Variants in EFCAB13 observed in about 807,000 individuals in gnomAD.
EFCAB13 encodes EF-hand calcium binding domain 13, also known as EF-hand calcium-binding domain-containing protein 13.
Under a neutral mutation model 110.2 loss-of-function variants are expected in EFCAB13, and 91 were observed. That is an observed-to-expected ratio of 0.83 (90% CI 0.70 to 0.98). The LOEUF is 0.98. Among genes scored for constraint, EFCAB13 ranks in the 50% least tolerant of loss-of-function variants. The pLI is 0.00. For synonymous variants in EFCAB13, 323 were observed against 369.9 expected, an observed-to-expected ratio of 0.87 and a Z score of 1.45; for missense variants, 968 against 1,119.4, an observed-to-expected ratio of 0.86 and a Z score of 1.93.
chr17:47,373,036 A>G (rs1450126167), intron 11 of EFCAB13, among the ~76,000 whole-genome samples: 1 of 151,802 alleles, frequency 6.6e-6, no homozygotes, highest in African/African-American at 2.4e-5. Flanking sequence ...CTCCTTCATA[A>G]ACTCTTATAA....
chr17:47,412,701 A>G, intron 21 of EFCAB13, 72 bp from the exon 22 acceptor site: 3 of 1,393,062 alleles, frequency 2.2e-6, no homozygotes, highest in South Asian at 1.5e-5. Flanking sequence ...AGGTTTACCT[A>G]TGGTAGATTT....
At chr17:47,357,056 C>T (rs2065484807) in intron 9 of EFCAB13, among the ~76,000 whole-genome samples, 1 of 152,214 alleles carries the variant, frequency 6.6e-6, no homozygotes, top group African/African-American at 2.4e-5. Context: ...AGCCCACAGT[C>T]TGAAAGACTG....
At chr17:47,430,103 C>T (rs1314946179) in intron 24 of EFCAB13, 142 bp downstream of exon 24, 5 of 1,322,540 alleles carry the variant, frequency 3.8e-6, no homozygotes, top group Non-Finnish European at 4.8e-6. Context: ...ACTGCCCCTA[C>T]AGGTGTGCCA....
intron 9 of EFCAB13, among the ~76,000 whole-genome samples, chr17:47,359,020 T>G (rs963724015): frequency 2.0e-5 from 3 of 152,196 alleles, no homozygotes; most frequent in Admixed American, 2.0e-4. Context: ...CTCTGCTATT[T>G]TTGTTCACTT....
At chr17:47,415,153 C>G (rs545196619) in intron 23 of EFCAB13, among the ~76,000 whole-genome samples, 1 of 151,710 alleles carries the variant, frequency 6.6e-6, no homozygotes, top group Non-Finnish European at 1.5e-5. Context: ...AACCAAACAC[C>G]GCATATTCTC....
intron 20 of EFCAB13, 40 bp from the exon 21 acceptor site, chr17:47,409,607 G>A (rs758851027): frequency 1.7e-5 from 25 of 1,497,620 alleles, no homozygotes; most frequent in Middle Eastern, 1.7e-4. Context: ...AGATCAGGAT[G>A]CCATTCCTCA....
At chr17:47,415,110 TATC>T in intron 23 of EFCAB13, 191 bp downstream of exon 23, 1 of 367,110 alleles carries the variant, frequency 2.7e-6, no homozygotes, top group Non-Finnish European at 4.9e-6. Context: ...AATTGGAAAT[TATC>T]ATTCTCAGTA....
intron 4 of EFCAB13, among the ~76,000 whole-genome samples, chr17:47,333,045 C>T (rs890716551): frequency 6.6e-6 from 1 of 152,136 alleles, no homozygotes; most frequent in Non-Finnish European, 1.5e-5. Flanking sequence ...CAGATGTTCC[C>T]TTTTCTCCAC....
intron 20 of EFCAB13, among the ~76,000 whole-genome samples, chr17:47,408,021 T>A (rs2143458370): frequency 1.3e-5 from 2 of 152,320 alleles, no homozygotes; most frequent in Middle Eastern, 6.8e-3. Flanking sequence ...TGACCTGGAT[T>A]GTAAAATTGA....
At chr17:47,378,327 T>A (rs1230973176) in intron 13 of EFCAB13, among the ~76,000 whole-genome samples, 1 of 152,202 alleles carries the variant, frequency 6.6e-6, no homozygotes, top group African/African-American at 2.4e-5. Flanking sequence ...CAGGTATGCT[T>A]AGCAGTTAAC....
At chr17:47,396,008 T>C in intron 17 of EFCAB13, 31 bp downstream of exon 17, 1 of 1,548,258 alleles carries the variant, frequency 6.5e-7, no homozygotes, top group South Asian at 1.2e-5. Flanking sequence ...AATTAAAAAG[T>C]ATACCAAGAT....
intron 12 of EFCAB13, among the ~76,000 whole-genome samples, chr17:47,376,711 A>C (rs538623925): frequency 1.9e-4 from 29 of 152,318 alleles, no homozygotes; most frequent in Admixed American, 5.2e-4. Flanking sequence ...ACCTTATTCA[A>C]ATTTGTCAGT....
intron 7 of EFCAB13, among the ~76,000 whole-genome samples, chr17:47,344,813 G>A (rs1240460310): frequency 2.0e-5 from 3 of 152,098 alleles, no homozygotes; most frequent in Non-Finnish European, 2.9e-5. Context: ...GCAGACTAGG[G>A]TGAATTCTGC....
At chr17:47,330,842 G>A (rs1473091107) in intron 4 of EFCAB13, among the ~76,000 whole-genome samples, 2 of 151,652 alleles carry the variant, frequency 1.3e-5, no homozygotes, top group Non-Finnish European at 1.5e-5. Flanking sequence ...TGGATTGAAC[G>A]ATAGATCTAC....
chr17:47,399,927 A>G (rs2065770013), intron 17 of EFCAB13, among the ~76,000 whole-genome samples: 1 of 152,164 alleles, frequency 6.6e-6, no homozygotes, highest in African/African-American at 2.4e-5. Context: ...TTGAGCAAAA[A>G]TGTGTAAGAG....
At chr17:47,376,160 T>G (rs1436547196) in intron 12 of EFCAB13, among the ~76,000 whole-genome samples, 1 of 152,184 alleles carries the variant, frequency 6.6e-6, no homozygotes, top group Non-Finnish European at 1.5e-5. Flanking sequence ...TAGTGAAAAT[T>G]TTGTGATTCA....
rs751480738 is a variant in EFCAB13, at chr17:47,380,880, C to CTTTTT, written c.1582+1643_1582+1647dup. Among the ~76,000 whole-genome samples the CTTTTT allele has an allele frequency of 9.6e-4, 118 of 122,878 alleles. 5 individuals are homozygous for CTTTTT. The highest frequency in any genetic ancestry group is 3.9e-3 in the East Asian group (16 of 4,078). The allele number at this position is 122,878 out of a possible 152,430, so 80.6% of individuals were successfully genotyped here. A position where few individuals can be genotyped will look rare whatever the true frequency, so the allele number is the denominator to read the frequency against. On this transcript the variant is annotated intron_variant, in intron 14 of 24. Transcript: ENST00000331493. ...TTGTTGGCCGCATAAATTGCTTCTT[C>CTTTTT]TTTTTTTTTTTTTTTTTTTTGAGAC...
chr17:47,439,171 G>GCTT (rs1183658231), intron 24 of EFCAB13, among the ~76,000 whole-genome samples: 1 of 73,868 alleles, frequency 1.4e-5, no homozygotes, highest in African/African-American at 5.6e-5. Context: ...TCTTTGTTTT[G>GCTT]TTTTTTTTTT....
intron 11 of EFCAB13, among the ~76,000 whole-genome samples, chr17:47,373,960 G>T (rs1211835035): frequency 6.6e-6 from 1 of 152,064 alleles, no homozygotes; most frequent in East Asian, 1.9e-4. Flanking sequence ...TTTTGTAAAT[G>T]AAGTCTCAGT....
Sources: allele counts gnomAD v4.1 joint callset (sites outside exome capture counted in the v4.1 genomes callset), GRCh38; gene constraint gnomAD v4.1.1; transcripts MANE v1.5; gene names NCBI Gene and HGNC (gene_info 2026-07-23, HGNC 2026-07-21).